Variants in ZNF697 observed in about 807,000 individuals in gnomAD.
ZNF697 encodes the protein zinc finger protein 697.
A neutral mutation model predicts 32.4 loss-of-function variants in ZNF697; 23 were observed. The ratio of observed to expected loss-of-function variants is 0.71; its 90% confidence interval spans 0.51 to 1.01. The LOEUF is 1.01. Among genes scored for constraint, ZNF697 ranks in the 50% least tolerant of loss-of-function variants. ZNF697 has a pLI of 0.00. For synonymous variants in ZNF697, 418 were observed against 337.2 expected, an observed-to-expected ratio of 1.24 and a Z score of -2.62; for missense variants, 930 against 794.0, an observed-to-expected ratio of 1.17 and a Z score of -2.06.
chr1:119,631,733 G>GAAGGAA (rs1285068548), intron 1 of ZNF697, among the ~76,000 whole-genome samples: 7 of 152,206 alleles, frequency 4.6e-5, no homozygotes, highest in African/African-American at 1.7e-4. Context: ...CGGCCCGGCG[G>GAAGGAA]GCGGCGGGCC....
intron 1 of ZNF697, among the ~76,000 whole-genome samples, 197 bp downstream of exon 1, chr1:119,647,494 G>A (rs144203526): frequency 6.0e-4 from 91 of 152,262 alleles, no homozygotes; most frequent in African/African-American, 2.2e-3. Flanking sequence ...GCTCATTTGA[G>A]TGGGCTAGAA....
Position 119,648,202 on chromosome 1 carries a change from T to TGGCTGGCTGGCTGGC in ZNF697, c.-550_-549insGCCAGCCAGCCAGCC, listed in dbSNP as rs1553230568. Among the ~76,000 whole-genome samples, 1 of 150,298 alleles carries TGGCTGGCTGGCTGGC rather than the reference T, an allele frequency of 6.7e-6. No individual in the cohort carries two copies. Among genetic ancestry groups the TGGCTGGCTGGCTGGC allele is most frequent in the Non-Finnish European group, 1.5e-5 (1 of 67,328 alleles). On this transcript the variant is annotated 5_prime_UTR_variant, in exon 1 of 3. Transcript: ENST00000421812. ...GCTGGGTGGCCCGCTGGCTGGCTGG[T>TGGCTGGCTGGCTGGC]TGGCTGGCTGGCTGGCTGGCTGGCT... is the stretch of plus-strand genomic sequence containing the variant.
chr1:119,631,578 C>T (rs1347523907), intron 1 of ZNF697, among the ~76,000 whole-genome samples: 1 of 151,848 alleles, frequency 6.6e-6, no homozygotes, highest in Non-Finnish European at 1.5e-5. Context: ...GCAGATCACT[C>T]CCAGCCCCCG....
At position 119,623,970 on chromosome 1, in the gene ZNF697, C is replaced by T. The variant is rs975057475; in HGVS notation, c.373G>A (p.Gly125Arg). 6.2e-7 allele frequency: 1 copy of T among 1,608,776 alleles called. No individual in the cohort carries two copies. Among genetic ancestry groups the T allele is most frequent in the Admixed American group, 1.7e-5 (1 of 59,348 alleles). Residue 125 changes from glycine to arginine, a missense_variant, in exon 3 of 3, where the codon GGG becomes AGG. Gly to Arg is a moderately radical substitution (Grantham distance 125, BLOSUM62 -2). Transcript: ENST00000421812. ...SLREDDDESA[G>R]ENRLEEEEEQ... ...TCTTCCTCCTCCAGCCGGTTCTCCC[C>T]AGCACTCTCGTCGTCGTCCTCCCGG...
rs1166947320 is a variant in ZNF697 at position 119,622,777 on chromosome 1, C to T, written c.1566G>A (p.Lys522=). 3 of 1,593,346 alleles carry T rather than the reference C, an allele frequency of 1.9e-6. No homozygotes were observed. The highest frequency in any genetic ancestry group is 1.8e-5 in the Admixed American group (1 of 56,278). The change falls in exon 3 of 3, where the codon AAG becomes AAA. Residue 522 remains lysine (K), a synonymous_variant. Transcript: ENST00000421812. ...RRIHTGNKPH[K]CAGCGKGFRY... ...GGAAGCCTTTGCCGCAGCCCGCACACTTGTGCGGCTTGTTGCCCGTGTGGA... is the reference window on the plus strand; with the variant it reads ...GGAAGCCTTTGCCGCAGCCCGCACATTTGTGCGGCTTGTTGCCCGTGTGGA...
chr1:119,623,785 G>T lies in ZNF697; in HGVS notation c.558C>A (p.Asp186Glu), dbSNP rs1046129755. 14 of 1,546,162 alleles carry T rather than the reference G, an allele frequency of 9.1e-6. No individual in the cohort carries two copies. In the African/African-American group the frequency reaches 1.2e-4, roughly 14 times the overall value. ...CGCAGTCGGGGCAGATGGTGGGCGC[G>T]TCCATGATGCTGGCCACCAGGCTAT... is the stretch of plus-strand genomic sequence containing the variant. ...ELDSLVASIM[D>E]APTICPDCGE... The change falls in exon 3 of 3, where the codon GAC (aspartate) becomes GAA (glutamate). Residue 186 changes from aspartate (D) to glutamate (E), a missense_variant. Physicochemically the swap from Asp to Glu is conservative, Grantham distance 45. Coordinates refer to ENST00000421812, the MANE Select transcript of ZNF697 (RefSeq NM_001080470.2).
rs997635877 is a variant in ZNF697 at position 119,626,209 on chromosome 1, T to C, written c.-37-72A>G. 1.3e-5 allele frequency: 20 copies of C among 1,517,646 alleles called. No homozygotes were observed. The East Asian group carries it at 1.6e-4, about 12-fold the overall frequency. The allele number at this position is 1,517,646 out of a possible 1,614,324, so 94.0% of individuals were successfully genotyped here. On this transcript the variant is annotated intron_variant, in intron 1 of 2. Transcript: ENST00000421812. ...CCCCTCACCACGCCCAGCCTTAATT[T>C]CCAATTCTAATAAAATGTATGGAGT...
rs902308235 is a variant in ZNF697, at chr1:119,624,235, C to T, written c.227-119G>A. 2.5e-6 allele frequency: 3 copies of T among 1,210,080 alleles called. No homozygotes were observed. The Admixed American group carries it at 9.7e-5, about 39-fold the overall frequency. The allele number at this position is 1,210,080 out of a possible 1,614,324, so 75.0% of individuals were successfully genotyped here. A position where few individuals can be genotyped will look rare whatever the true frequency, so the allele number is the denominator to read the frequency against. On this transcript the variant is annotated intron_variant, in intron 2 of 2. Coordinates refer to ENST00000421812, the MANE Select transcript of ZNF697 (RefSeq NM_001080470.2). ...TCCCTCAGGCACTCTGGATCCCTGC[C>T]CCTCCAAGACCCCCTGAGAGTTTAG...
rs145878315 is a variant in ZNF697 at position 119,637,375 on chromosome 1, T to C, written c.-38+10316A>G. 3.3e-4 allele frequency among the ~76,000 whole-genome samples: 51 copies of C among 152,346 alleles called. 1 individual carries two copies. The highest frequency in any genetic ancestry group is 1.2e-3 in the African/African-American group (48 of 41,588). On this transcript the variant is annotated intron_variant, in intron 1 of 2. Coordinates refer to ENST00000421812, the MANE Select transcript of ZNF697 (RefSeq NM_001080470.2). ...TGCAGTCCCCATATGGGAAGTTGTA[T>C]AGATGTGGGCCCGGTGGCAGGGACA...
chr1:119,624,892 C>T (rs1648528406), intron 2 of ZNF697, among the ~76,000 whole-genome samples: 1 of 145,190 alleles, frequency 6.9e-6, no homozygotes, highest in African/African-American at 2.5e-5. Flanking sequence ...GCCCAGCCCT[C>T]AGGACTAATT....
intron 1 of ZNF697, among the ~76,000 whole-genome samples, chr1:119,627,599 C>T (rs186265349): frequency 6.4e-4 from 97 of 152,322 alleles, no homozygotes; most frequent in Admixed American, 1.7e-3. Context: ...CCCAAAGACA[C>T]GCTAGCCCCT....
At position 119,623,742 on chromosome 1, in the gene ZNF697, C is replaced by T. The variant is rs1431403942; in HGVS notation, c.601G>A (p.Gly201Ser). The change falls in exon 3 of 3, where the codon GGC becomes AGC. Residue 201 changes from glycine to serine, a missense_variant. Gly to Ser is a moderately conservative substitution (Grantham distance 56). Transcript: ENST00000421812. ...CGCTGGTGCTGCAGGAAGGCGGCGC[C>T]AGGACTGAAGCTCTCCCCGCAGTCG... ...CPDCGESFSP[G>S]AAFLQHQRIH... 2 of 1,538,084 alleles carry T rather than the reference C, an allele frequency of 1.3e-6. No homozygotes were observed. Among genetic ancestry groups the T allele is most frequent in the Non-Finnish European group, 8.7e-7 (1 of 1,145,400 alleles).
intron 1 of ZNF697, among the ~76,000 whole-genome samples, chr1:119,639,164 A>C (rs1196254216): frequency 6.6e-6 from 1 of 152,150 alleles, no homozygotes; most frequent in East Asian, 1.9e-4. Context: ...CTTACTCAGA[A>C]GCTCAAAACC....
chr1:119,646,528 G>A lies in ZNF697; in HGVS notation c.-38+1163C>T, dbSNP rs144087381. 9.0e-3 allele frequency among the ~76,000 whole-genome samples: 1,367 copies of A among 152,154 alleles called. 14 individuals are homozygous for A. The highest frequency in any genetic ancestry group is 0.031 in the African/African-American group (1,284 of 41,504). On this transcript the variant is annotated intron_variant, in intron 1 of 2. Coordinates refer to ENST00000421812, the MANE Select transcript of ZNF697 (RefSeq NM_001080470.2). Reference sequence around the variant, plus strand: ...CTCCCAAAGAAGCTAAGGAAGAAATGTTTTGTTTCACCTCGAAAGCCATTT... The same window carrying A: ...CTCCCAAAGAAGCTAAGGAAGAAATATTTTGTTTCACCTCGAAAGCCATTT...
At position 119,623,269 on chromosome 1, in the gene ZNF697, G is replaced by A. The variant is rs779318813; in HGVS notation, c.1074C>T (p.Cys358=). 4.1e-5 allele frequency: 62 copies of A among 1,522,800 alleles called. No individual in the cohort carries two copies. The highest frequency in any genetic ancestry group is 5.1e-5 in the Non-Finnish European group (58 of 1,138,236). The allele number at this position is 1,522,800 out of a possible 1,614,324, so 94.3% of individuals were successfully genotyped here. A position where few individuals can be genotyped will look rare whatever the true frequency, so the allele number is the denominator to read the frequency against. Residue 358 remains cysteine, a synonymous_variant, in exon 3 of 3, where the codon TGC becomes TGT. Transcript: ENST00000421812. Reference sequence around the variant, plus strand: ...GCGAACGGCGCACGAAGCCCTTGCCGCACTCCCCGCAGGCGAAGGGCCGCA... The same window carrying A: ...GCGAACGGCGCACGAAGCCCTTGCCACACTCCCCGCAGGCGAAGGGCCGCA... The part of the protein sequence containing the change: ...AALRPFACGE[C]GKGFVRRSHL...
chr1:119,622,407 T>TTCCTGAAGG lies in ZNF697; in HGVS notation c.*297_*298insCCTTCAGGA. The TTCCTGAAGG allele has an allele frequency of 5.7e-6, 2 of 350,736 alleles. No homozygotes were observed. Among genetic ancestry groups the TTCCTGAAGG allele is most frequent in the Non-Finnish European group, 1.0e-5 (2 of 200,476 alleles). 21.7% of individuals were successfully genotyped at this position (350,736 alleles called of 1,614,324 possible). A position where few individuals can be genotyped will look rare whatever the true frequency, so the allele number is the denominator to read the frequency against. ...TCCCACCCCAGCCCACGAACTGCCC[T>TTCCTGAAGG]TCCTCAAAGTGCCTGGTCCTCCAAG... On this transcript the variant is annotated 3_prime_UTR_variant, in exon 3 of 3. Transcript: ENST00000421812.
chr1:119,630,037 C>T (rs865988459), intron 1 of ZNF697, among the ~76,000 whole-genome samples: 2 of 152,190 alleles, frequency 1.3e-5, no homozygotes, highest in African/African-American at 4.8e-5. Flanking sequence ...TGTAAGGGAG[C>T]TCTCCTTCCC....
rs1470152160 is a variant in ZNF697 at position 119,622,571 on chromosome 1, C to A, written c.*134G>T. 7 of 1,414,860 alleles carry A rather than the reference C, an allele frequency of 4.9e-6. No homozygotes were observed. The highest frequency in any genetic ancestry group is 6.5e-6 in the Non-Finnish European group (7 of 1,084,424). The allele number at this position is 1,414,860 out of a possible 1,614,324, so 87.6% of individuals were successfully genotyped here. Reference sequence around the variant, plus strand: ...AACACTCCTCCCACTTCAGGAAACCCCAAACACCAAAGGCTCCCCAGTCAC... The same window carrying A: ...AACACTCCTCCCACTTCAGGAAACCACAAACACCAAAGGCTCCCCAGTCAC... On this transcript the variant is annotated 3_prime_UTR_variant, in exon 3 of 3. Coordinates refer to ENST00000421812, the MANE Select transcript of ZNF697 (RefSeq NM_001080470.2).
chr1:119,623,250 G>A lies in ZNF697; in HGVS notation c.1093C>T (p.Arg365Cys), dbSNP rs1443364695. The A allele has an allele frequency of 6.4e-7, 1 of 1,552,372 alleles. No individual in the cohort carries two copies. The highest frequency in any genetic ancestry group is 8.7e-7 in the Non-Finnish European group (1 of 1,153,018). Residue 365 changes from arginine to cysteine, a missense_variant, in exon 3 of 3, where the codon CGT (arginine) becomes TGT (cysteine). Transcript: ENST00000421812. ...CGECGKGFVR[R>C]SHLANHQRIH... is the part of the protein sequence containing the mutation. ...CGCTGGTGGTTGGCCAGGTGCGAAC[G>A]GCGCACGAAGCCCTTGCCGCACTCC...
Sources: gnomAD v4.1 joint callset for allele counts (sites outside exome capture counted in the v4.1 genomes callset) on GRCh38, gnomAD v4.1.1 for gene constraint, MANE v1.5 for transcripts, NCBI Gene and HGNC (gene_info 2026-07-23, HGNC 2026-07-21) for gene names.